PKHD1L1: variants seen among roughly 807,000 people sequenced by gnomAD.
PKHD1L1 encodes PKHD1 like 1, also known as fibrocystin-L.
In PKHD1L1, 434 loss-of-function variants were observed where a neutral mutation model predicts 462.9. The ratio of observed to expected loss-of-function variants is 0.94; its 90% CI spans 0.87 to 1.02. The LOEUF (loss-of-function observed/expected upper bound fraction) is 1.02. Ranked by LOEUF, PKHD1L1 falls within the 50% of genes least tolerant of loss-of-function variation. The pLI is 0.00. For synonymous variants in PKHD1L1, 1,781 were observed against 1,750.0 expected (o/e 1.02, Z -0.44); for missense variants, 5,202 against 5,096.1 (o/e 1.02, Z -0.63).
rs754670456 is a variant in PKHD1L1, at chr8:109,440,696, AT to A, written c.3957-6del. The A allele has an allele frequency of 9.4e-6, 15 of 1,600,296 alleles. No individual in the cohort carries two copies. Among genetic ancestry groups the A allele is most frequent in the South Asian group, 4.5e-5 (4 of 89,066 alleles). ...AGGAAGCTCATTGAAAAATCTATTC[AT>A]TTTTTTTCTCAGAGACAAATTAAAT... is the stretch of plus-strand genomic sequence containing the variant. On this transcript the variant is annotated splice_polypyrimidine_tract_variant and intron_variant, in intron 32 of 77. Transcript: ENST00000378402.
At position 109,456,223 on chromosome 8, in the gene PKHD1L1, C is replaced by G. The variant is rs771390825; in HGVS notation, c.6875-39C>G. ...ATAAAGTTCTCAATAACAAATCAAA[C>G]ACATGTAAGGAAATACTCAGTGTGT... On this transcript the variant is annotated intron_variant, in intron 45 of 77. Coordinates refer to ENST00000378402, the MANE Select transcript of PKHD1L1 (RefSeq NM_177531.6). 5.2e-6 allele frequency: 8 copies of G among 1,546,892 alleles called. No homozygotes were observed. The East Asian group carries it at 1.6e-4, about 31-fold the overall frequency.
At chr8:109,459,280 C>T (rs1816981949) in intron 46 of PKHD1L1, among the ~76,000 whole-genome samples, 1 of 152,006 alleles carries the variant, frequency 6.6e-6, no homozygotes, top group Non-Finnish European at 1.5e-5. Flanking sequence ...TAAAATCATC[C>T]TCAATTGAGA....
chr8:109,396,710 A>C (rs1812997710), intron 11 of PKHD1L1, among the ~76,000 whole-genome samples: 1 of 152,104 alleles, frequency 6.6e-6, no homozygotes, highest in Non-Finnish European at 1.5e-5. Flanking sequence ...ATCTGTTCAG[A>C]GGTAGGGAGC....
chr8:109,517,854 G>A (rs944943806), intron 72 of PKHD1L1, among the ~76,000 whole-genome samples: 16 of 151,970 alleles, frequency 1.1e-4, no homozygotes, highest in African/African-American at 3.1e-4. Context: ...ATGTGAATAG[G>A]GTTTCAACTA....
At chr8:109,419,708 G>A (rs185034837) in intron 22 of PKHD1L1, among the ~76,000 whole-genome samples, 97 of 152,128 alleles carry the variant, frequency 6.4e-4, no homozygotes, top group African/African-American at 2.2e-3. Context: ...CATTTCAATA[G>A]TGTTAGCATT....
At chr8:109,515,431 C>A in intron 72 of PKHD1L1, 126 bp downstream of exon 72, 2 of 726,926 alleles carry the variant, frequency 2.8e-6, no homozygotes, top group South Asian at 3.7e-5. Flanking sequence ...AGTTTTTAGC[C>A]ATAGTCCACC....
chr8:109,462,070 T>C, intron 48 of PKHD1L1, among the ~76,000 whole-genome samples, 162 bp downstream of exon 48: 1 of 152,134 alleles, frequency 6.6e-6, no homozygotes. Context: ...ATGCCAAAAT[T>C]TTGTTTCTCA....
chr8:109,435,231 C>CA lies in PKHD1L1; in HGVS notation c.3383dup (p.His1128GlnfsTer10), dbSNP rs1449742345. ...CCAGATTCTGAATGGAAGTGCTGGA[C>CA]ATGCCCCCGTTGCTGTGTCCATGGC... is the stretch of plus-strand genomic sequence containing the variant. On this transcript the variant is annotated frameshift_variant, in exon 29 of 78. Coordinates refer to ENST00000378402, the MANE Select transcript of PKHD1L1 (RefSeq NM_177531.6). LOFTEE classifies it high-confidence loss of function. The CA allele has an allele frequency of 6.2e-7, 1 of 1,613,670 alleles. No homozygotes were observed. The highest frequency in any genetic ancestry group is 8.5e-7 in the Non-Finnish European group (1 of 1,179,768).
chr8:109,456,391 G>A lies in PKHD1L1; in HGVS notation c.7004G>A (p.Arg2335Lys). The A allele has an allele frequency of 2.5e-6, 4 of 1,602,222 alleles. No homozygotes were observed. The highest frequency in any genetic ancestry group is 3.4e-6 in the Non-Finnish European group (4 of 1,173,946). The change falls in exon 46 of 78, where the codon AGA becomes AAA. Residue 2335 changes from arginine to lysine, a missense_variant and splice_region_variant. Around this residue, in one of 3 missense-constraint regions of PKHD1L1, gnomAD observed 4,497 missense variants for 4,336.8 expected, o/e 1.04. Transcript: ENST00000378402. ...DNIVIASTGH[R>K]HSQGENEKMT... ...ATTGTAATTGCAAGCACAGGACACA[G>A]GTATGATATCTTCTGGGCTTAATGA...
At chr8:109,424,457 G>T (rs1375053179) in intron 23 of PKHD1L1, among the ~76,000 whole-genome samples, 3 of 152,080 alleles carry the variant, frequency 2.0e-5, no homozygotes, top group East Asian at 3.9e-4. Context: ...GGTCTAGAAG[G>T]CTTATCATTT....
chr8:109,445,303 G>A lies in PKHD1L1; in HGVS notation c.5434G>A (p.Val1812Ile). ...VTPLPVGHHS[V>I]SVVVGSKGLA... is the part of the protein sequence containing the mutation. ...TCCTCTCCCAGTTGGACATCATTCT[G>A]TTAGTGTTGTGGTGGGAAGTAAAGG... Residue 1812 changes from valine to isoleucine, a missense_variant, in exon 38 of 78, where the codon GTT becomes ATT. Val to Ile is a conservative substitution (Grantham distance 29, BLOSUM62 3). Coordinates refer to ENST00000378402, the MANE Select transcript of PKHD1L1 (RefSeq NM_177531.6). 1.2e-6 allele frequency: 2 copies of A among 1,613,952 alleles called. No homozygotes were observed. Among genetic ancestry groups the A allele is most frequent in the African/African-American group, 1.3e-5 (1 of 75,026 alleles).
chr8:109,371,429 G>A lies in PKHD1L1; in HGVS notation c.163+6793G>A, dbSNP rs1291445489. ...GCCCTTTGTCAGATGAGTAGGTTGC[G>A]AAAATTTTCTCCCATTCTGTAGGTT... On this transcript the variant is annotated intron_variant, in intron 2 of 77. Transcript: ENST00000378402. Among the ~76,000 whole-genome samples the A allele has an allele frequency of 6.7e-5, 10 of 149,982 alleles. 1 individual carries two copies. The highest frequency in any genetic ancestry group is 3.3e-4 in the Admixed American group (5 of 14,948).
At position 109,507,739 on chromosome 8, in the gene PKHD1L1, T is replaced by A. The variant is rs1366563897; in HGVS notation, c.11071T>A (p.Ser3691Thr). 1.9e-6 allele frequency: 3 copies of A among 1,613,550 alleles called. No homozygotes were observed. In the East Asian group the frequency reaches 6.7e-5, roughly 36 times the overall value. Residue 3691 changes from serine to threonine, a missense_variant, in exon 69 of 78, where the codon TCC becomes ACC. By Grantham distance (58) the Ser-to-Thr change is moderately conservative. Coordinates refer to ENST00000378402, the MANE Select transcript of PKHD1L1 (RefSeq NM_177531.6). ...RKSFLRDIDG[S>T]FLGNAGSVIP... Reference sequence around the variant, plus strand: ...ATCTTTTCTTAGAGACATAGATGGCTCCTTTCTGGGGAATGCTGGTTCTGT... The same window carrying A: ...ATCTTTTCTTAGAGACATAGATGGCACCTTTCTGGGGAATGCTGGTTCTGT...
intron 13 of PKHD1L1, among the ~76,000 whole-genome samples, chr8:109,401,173 G>T (rs1273261048): frequency 6.6e-6 from 1 of 152,014 alleles, no homozygotes; most frequent in Non-Finnish European, 1.5e-5. Context: ...TATTTTATTT[G>T]TCAATAACTA....
intron 76 of PKHD1L1, among the ~76,000 whole-genome samples, chr8:109,524,969 G>A (rs972796254): frequency 6.6e-6 from 1 of 151,672 alleles, no homozygotes; most frequent in Non-Finnish European, 1.5e-5. Context: ...TGTACAATAA[G>A]GAAAGCCAAG....
At chr8:109,376,069 CT>C (rs1447118891) in intron 2 of PKHD1L1, among the ~76,000 whole-genome samples, 1 of 152,208 alleles carries the variant, frequency 6.6e-6, no homozygotes, top group Non-Finnish European at 1.5e-5. Context: ...TTACTGCTGC[CT>C]TTTGTTTGTC....
intron 50 of PKHD1L1, among the ~76,000 whole-genome samples, 171 bp downstream of exon 50, chr8:109,466,940 C>T (rs1817473658): frequency 6.6e-6 from 1 of 152,020 alleles, no homozygotes; most frequent in Admixed American, 6.6e-5. Flanking sequence ...GTTTGAGAAG[C>T]ATTTTATAAA....
rs768381078 is a variant in PKHD1L1 at position 109,480,011 on chromosome 8, A to G, written c.9199A>G (p.Ile3067Val). Residue 3067 changes from isoleucine (I) to valine (V), a missense_variant, in exon 55 of 78, where the codon ATA becomes GTA. Ile to Val is a conservative substitution (Grantham distance 29, BLOSUM62 3). Coordinates refer to ENST00000378402, the MANE Select transcript of PKHD1L1 (RefSeq NM_177531.6). ...TATAGGAACATGGATTGTAGCTGACATAGATATGCCATCAATGGAAAGACT... is the reference window on the plus strand; with the variant it reads ...TATAGGAACATGGATTGTAGCTGACGTAGATATGCCATCAATGGAAAGACT... ...IPEGTWIVAD[I>V]DMPSMERLII... 5.0e-6 allele frequency: 8 copies of G among 1,587,692 alleles called. No homozygotes were observed. In the Admixed American group the frequency reaches 1.5e-4, roughly 30 times the overall value.
chr8:109,459,534 A>C, intron 46 of PKHD1L1, 61 bp from the exon 47 acceptor site: 1 of 1,321,302 alleles, frequency 7.6e-7, no homozygotes, highest in Non-Finnish European at 1.0e-6. Context: ...CAAATATACC[A>C]AAACAATATG....
Sources: gnomAD v4.1 joint callset for allele counts (sites outside exome capture counted in the v4.1 genomes callset) on GRCh38, gnomAD v4.1.1 for gene constraint, gnomAD v4.1.1 regional missense constraint, MANE v1.5 for transcripts, NCBI Gene and HGNC (gene_info 2026-07-23, HGNC 2026-07-21) for gene names.